SDF2: variants seen among roughly 807,000 people sequenced by gnomAD.
SDF2 encodes stromal cell-derived factor 2.
A neutral mutation model predicts 20.5 loss-of-function variants in SDF2; 12 were observed. The ratio of observed to expected loss-of-function variants is 0.58; its 90% CI spans 0.37 to 0.95. The LOEUF is 0.95. Ranked by LOEUF, SDF2 falls within the 40% of genes least tolerant of loss-of-function variation. The pLI, the probability that SDF2 is intolerant of heterozygous loss-of-function variation, is 0.01. For synonymous variants in SDF2, 100 were observed against 101.0 expected (o/e 0.99, Z 0.06); for missense variants, 238 against 263.1 (o/e 0.90, Z 0.66).
At chr17:28,661,699 C>G in intron 1 of SDF2, 27 bp downstream of exon 1, 1 of 1,602,448 alleles carries the variant, frequency 6.2e-7, no homozygotes, top group Non-Finnish European at 8.5e-7. Context: ...CCTCCCTAGC[C>G]CACCCGAGCC....
chr17:28,661,980 G>C (rs1405523301), upstream of SDF2: 3 of 1,338,382 alleles, frequency 2.2e-6, no homozygotes, highest in African/African-American at 4.4e-5. Flanking sequence ...GAAGAAGCCC[G>C]AGTCTGATCT....
chr17:28,654,277 A>C (rs1421957423), intron 2 of SDF2, among the ~76,000 whole-genome samples: 1 of 152,138 alleles, frequency 6.6e-6, no homozygotes, highest in Non-Finnish European at 1.5e-5. Flanking sequence ...TGGGTGACAG[A>C]GCAAGACCCT....
intron 2 of SDF2, among the ~76,000 whole-genome samples, chr17:28,650,070 A>T (rs2071900616): frequency 1.3e-5 from 2 of 151,954 alleles, no homozygotes; most frequent in Non-Finnish European, 2.9e-5. Flanking sequence ...TTCCTGCCTC[A>T]GCCTCCCTAG....
chr17:28,658,882 G>C (rs2071992371), intron 1 of SDF2, among the ~76,000 whole-genome samples: 2 of 151,162 alleles, frequency 1.3e-5, no homozygotes, highest in South Asian at 4.2e-4. Flanking sequence ...GCCGGGCAGA[G>C]GCACTCCTCA....
Position 28,655,634 on chromosome 17 carries a change from A to T in SDF2, c.152-151T>A, listed in dbSNP as rs2071955319. The T allele has an allele frequency of 4.3e-6, 3 of 703,410 alleles. No homozygotes were observed. In the East Asian group the frequency reaches 7.6e-5, roughly 18 times the overall value. 43.6% of individuals were successfully genotyped at this position (703,410 alleles called of 1,614,324 possible). ...GCTGCTGGAGGTGTAATGGATATTA[A>T]TACTGCTCTACAAGAGACTGAAGAC... On this transcript the variant is annotated intron_variant, in intron 1 of 2. Coordinates refer to ENST00000247020, the MANE Select transcript of SDF2 (RefSeq NM_006923.4).
In SDF2 at chr17:28,655,359, G is replaced by A. The variant is rs752542351; in HGVS notation, c.276C>T (p.Ile92=). 2 of 1,614,242 alleles carry A rather than the reference G, an allele frequency of 1.2e-6. No individual in the cohort carries two copies. The highest frequency in any genetic ancestry group is 2.2e-5 in the East Asian group (1 of 44,886). ...RGTPIKCGQP[I]RLTHVNTGRN... ...GGCCAGTGTTGACATGTGTCAGCCGGATGGGCTGGCCACACTTGATGGGGG... is the reference window on the plus strand; with the variant it reads ...GGCCAGTGTTGACATGTGTCAGCCGAATGGGCTGGCCACACTTGATGGGGG... The change falls in exon 2 of 3, where the codon ATC becomes ATT. Residue 92 remains isoleucine (I), a synonymous_variant. Transcript: ENST00000247020.
intron 1 of SDF2, among the ~76,000 whole-genome samples, chr17:28,659,006 C>T (rs968349610): frequency 4.1e-5 from 6 of 147,372 alleles, no homozygotes; most frequent in Admixed American, 3.4e-4. Flanking sequence ...GCGCTCCTCC[C>T]CTCCCAGACG....
intron 2 of SDF2, among the ~76,000 whole-genome samples, chr17:28,652,796 G>C (rs1041974013): frequency 2.0e-5 from 3 of 152,180 alleles, no homozygotes; most frequent in Non-Finnish European, 4.4e-5. Context: ...ATCTTTTGGT[G>C]CCAGAAAGGA....
chr17:28,660,306 G>A (rs1361273276), intron 1 of SDF2, among the ~76,000 whole-genome samples: 10 of 152,226 alleles, frequency 6.6e-5, no homozygotes, highest in African/African-American at 2.2e-4. Flanking sequence ...TTGAGGGTCA[G>A]GACAAAAGCA....
At chr17:28,651,983 T>C (rs142000862) in intron 2 of SDF2, among the ~76,000 whole-genome samples, 8 of 152,246 alleles carry the variant, frequency 5.3e-5, no homozygotes, top group Non-Finnish European at 8.8e-5. Context: ...GGACGATCTA[T>C]GTGGTAATGG....
In SDF2 at chr17:28,648,557, A is replaced by G. The variant is rs1452292700; in HGVS notation, c.*432T>C. The G allele has an allele frequency of 5.3e-6, 1 of 188,788 alleles. No individual in the cohort carries two copies. Among genetic ancestry groups the G allele is most frequent in the East Asian group, 1.3e-4 (1 of 7,604 alleles). The allele number at this position is 188,788 out of a possible 1,614,324, so 11.7% of individuals were successfully genotyped here. On this transcript the variant is annotated 3_prime_UTR_variant, in exon 3 of 3. Transcript: ENST00000247020. ...CTCAAAGGATTAAGCAGCTAATGAA[A>G]TAGCACACCTAATAAATAACAACAC...
In SDF2 at chr17:28,659,322, A is replaced by G. The variant is rs1428725415; in HGVS notation, c.151+2404T>C. On this transcript the variant is annotated intron_variant, in intron 1 of 2. Transcript: ENST00000247020. ...CAGAGGCGCTCCCCACTTCCCAGAC[A>G]GGGCGGCCGGGCAGAGGCGCTCCCC... 5.7e-3 allele frequency among the ~76,000 whole-genome samples: 329 copies of G among 57,828 alleles called. 1 individual carries two copies. The highest frequency in any genetic ancestry group is 0.04 in the Middle Eastern group (2 of 50). 37.9% of individuals were successfully genotyped at this position (57,828 alleles called of 152,430 possible). A position where few individuals can be genotyped will look rare whatever the true frequency, so the allele number is the denominator to read the frequency against.
upstream of SDF2, chr17:28,662,151 A>G (rs1296919827): frequency 8.3e-6 from 3 of 362,270 alleles, no homozygotes; most frequent in Non-Finnish European, 1.5e-5. Context: ...GGGAGAGAGA[A>G]CAAGAAATGG....
intron 2 of SDF2, among the ~76,000 whole-genome samples, chr17:28,651,226 T>C (rs1163809160): frequency 3.3e-5 from 5 of 152,172 alleles, no homozygotes; most frequent in African/African-American, 1.2e-4. Flanking sequence ...CACACCCAGC[T>C]AATTTTGGTA....
At chr17:28,654,631 T>C (rs934531364) in intron 2 of SDF2, among the ~76,000 whole-genome samples, 25 of 151,378 alleles carry the variant, frequency 1.7e-4, no homozygotes, top group African/African-American at 5.3e-4. Flanking sequence ...GCCTGACCAA[T>C]ATGGTGAAAA....
At chr17:28,657,981 AG>A (rs2071980769) in intron 1 of SDF2, 1 of 152,232 alleles carries the variant, frequency 6.6e-6, no homozygotes, top group Non-Finnish European at 1.5e-5. Context: ...TGTCACTGCC[AG>A]TTACACGGGT....
chr17:28,662,159 T>C (rs1319836746), upstream of SDF2: 10 of 320,348 alleles, frequency 3.1e-5, no homozygotes. Flanking sequence ...GAACAAGAAA[T>C]GGCCCGCCCA....
At chr17:28,660,113 C>T (rs1253545048) in intron 1 of SDF2, among the ~76,000 whole-genome samples, 1 of 152,200 alleles carries the variant, frequency 6.6e-6, no homozygotes, top group Non-Finnish European at 1.5e-5. Context: ...GCGGCGTGTG[C>T]CTGCAATCCC....
rs368597673 is a variant in SDF2 at position 28,661,904 on chromosome 17, T to C, written c.-28A>G. 1.8e-5 allele frequency: 29 copies of C among 1,581,310 alleles called. No individual in the cohort carries two copies. The highest frequency in any genetic ancestry group is 2.3e-5 in the Non-Finnish European group (27 of 1,155,996). On this transcript the variant is annotated 5_prime_UTR_variant, in exon 1 of 3. Coordinates refer to ENST00000247020, the MANE Select transcript of SDF2 (RefSeq NM_006923.4). ...TAACTGTATCGCGGAGCCCCAAATC[T>C]TCGAAGAAAACTCGGCCCCTCCCCG...
Sources: gnomAD v4.1 joint callset for allele counts (sites outside exome capture counted in the v4.1 genomes callset) on GRCh38, gnomAD v4.1.1 for gene constraint, MANE v1.5 for transcripts, NCBI Gene and HGNC (gene_info 2026-07-23, HGNC 2026-07-21) for gene names.